GAB2: variants seen among roughly 807,000 people sequenced by gnomAD.
GAB2 encodes GRB2-associated-binding protein 2.
A neutral mutation model predicts 65.5 loss-of-function variants in GAB2; 26 were observed. That is an observed-to-expected ratio of 0.40 (90% confidence interval 0.29 to 0.55). The LOEUF (loss-of-function observed/expected upper bound fraction) is 0.55, where lower values mean the gene tolerates loss of function less well. Among genes scored for constraint, GAB2 ranks in the 20% least tolerant of loss-of-function variants. The probability of loss-of-function intolerance (pLI) is 0.53; values close to 1 mark genes in which losing one functional copy is unlikely to be tolerated. For missense variants in GAB2, 884 were observed against 875.8 expected (o/e 1.01, Z -0.12); for synonymous variants, 321 against 329.6 (o/e 0.97, Z 0.28).
At chr11:78,227,507 G>T (rs1189715736) in intron 3 of GAB2, among the ~76,000 whole-genome samples, 1 of 151,948 alleles carries the variant, frequency 6.6e-6, no homozygotes, top group Non-Finnish European at 1.5e-5. Flanking sequence ...AATTATTTGG[G>T]TCAGGTGCAG....
intron 3 of GAB2, among the ~76,000 whole-genome samples, chr11:78,233,328 TCTGGC>T (rs1297509048): frequency 1.3e-5 from 2 of 152,220 alleles, no homozygotes; most frequent in Non-Finnish European, 2.9e-5. Context: ...AGCCACTGCG[TCTGGC>T]CTGTTAGCCA....
chr11:78,303,417 AAAG>A (rs1170150526), intron 1 of GAB2, among the ~76,000 whole-genome samples: 3 of 152,194 alleles, frequency 2.0e-5, no homozygotes, highest in African/African-American at 4.8e-5. Context: ...CATTTGTTGA[AAAG>A]AAATATCCTT....
At chr11:78,230,334 G>A (rs1864804551) in intron 3 of GAB2, among the ~76,000 whole-genome samples, 3 of 152,172 alleles carry the variant, frequency 2.0e-5, no homozygotes. Flanking sequence ...CATGTCCTGT[G>A]TAGTCTAAAC....
chr11:78,266,946 G>A (rs1424130768), intron 2 of GAB2, among the ~76,000 whole-genome samples: 2 of 152,244 alleles, frequency 1.3e-5, no homozygotes, highest in African/African-American at 2.4e-5. Context: ...GAATCCAAGA[G>A]GAGGAAGAAG....
intron 1 of GAB2, among the ~76,000 whole-genome samples, chr11:78,309,468 T>C (rs1470837956): frequency 2.8e-5 from 3 of 108,140 alleles, no homozygotes; most frequent in Non-Finnish European, 6.3e-5. Context: ...CCCTGCCTTT[T>C]TTTTTTTTTT....
At chr11:78,334,921 C>A (rs1047731157) in intron 1 of GAB2, among the ~76,000 whole-genome samples, 3 of 152,186 alleles carry the variant, frequency 2.0e-5, no homozygotes, top group Non-Finnish European at 2.9e-5. Context: ...TATTGCCTGT[C>A]TTTTGGATAA....
At chr11:78,299,606 G>A (rs1307917342) in intron 1 of GAB2, among the ~76,000 whole-genome samples, 1 of 152,190 alleles carries the variant, frequency 6.6e-6, no homozygotes, top group Middle Eastern at 3.2e-3. Context: ...AACAAATAAT[G>A]GGGCCCTTCA....
At chr11:78,321,608 G>A (rs114081348) in intron 1 of GAB2, among the ~76,000 whole-genome samples, 1,608 of 152,274 alleles carry the variant, frequency 0.011, 35 homozygotes, top group African/African-American at 0.038. Flanking sequence ...CATTGTACTA[G>A]AGGAGGGAGA....
intron 1 of GAB2, among the ~76,000 whole-genome samples, chr11:78,387,658 C>T (rs1391425053): frequency 6.6e-6 from 1 of 152,180 alleles, no homozygotes; most frequent in Non-Finnish European, 1.5e-5. Flanking sequence ...AAATAAATGA[C>T]AGAAGGGAAT....
intron 3 of GAB2, among the ~76,000 whole-genome samples, chr11:78,249,018 A>C (rs908448848): frequency 6.6e-6 from 1 of 152,178 alleles, no homozygotes; most frequent in African/African-American, 2.4e-5. Flanking sequence ...CATGTTCTTC[A>C]TGAAAATGGG....
intron 2 of GAB2, among the ~76,000 whole-genome samples, chr11:78,264,520 C>T (rs917835797): frequency 6.6e-6 from 1 of 151,934 alleles, no homozygotes; most frequent in Non-Finnish European, 1.5e-5. Flanking sequence ...CCTGCCGCAG[C>T]CTCCTGAGTA....
At chr11:78,236,199 G>A (rs1864975430) in intron 3 of GAB2, among the ~76,000 whole-genome samples, 1 of 152,058 alleles carries the variant, frequency 6.6e-6, no homozygotes, top group African/African-American at 2.4e-5. Flanking sequence ...ACGTTTTCTG[G>A]TACCATTCGA....
chr11:78,250,019 A>T (rs1865403058), intron 3 of GAB2, 138 bp downstream of exon 3: 1 of 917,562 alleles, frequency 1.1e-6, no homozygotes, highest in Non-Finnish European at 1.7e-6. Context: ...AGAAGCAAAA[A>T]ATTATGTTTT....
chr11:78,366,139 T>G (rs1301139022), intron 1 of GAB2, among the ~76,000 whole-genome samples: 1 of 152,250 alleles, frequency 6.6e-6, no homozygotes, highest in Non-Finnish European at 1.5e-5. Flanking sequence ...AAACATTTAC[T>G]GAGTTCCTAG....
intron 1 of GAB2, among the ~76,000 whole-genome samples, chr11:78,377,543 C>T (rs922046879): frequency 5.3e-5 from 8 of 152,068 alleles, no homozygotes; most frequent in African/African-American, 1.2e-4. Context: ...TACAGGGGAC[C>T]GGCATGTTGA....
chr11:78,235,535 T>C (rs1230782132), intron 3 of GAB2, among the ~76,000 whole-genome samples: 1 of 152,204 alleles, frequency 6.6e-6, no homozygotes, highest in African/African-American at 2.4e-5. Flanking sequence ...TTGAATGCCT[T>C]TAACGATACC....
At chr11:78,255,987 A>C (rs1865585886) in intron 2 of GAB2, among the ~76,000 whole-genome samples, 1 of 152,194 alleles carries the variant, frequency 6.6e-6, no homozygotes, top group Non-Finnish European at 1.5e-5. Context: ...GGAGCAAATC[A>C]CTTAGCCTCA....
intron 1 of GAB2, among the ~76,000 whole-genome samples, chr11:78,325,187 G>T (rs1855801025): frequency 6.6e-6 from 1 of 152,164 alleles, no homozygotes; most frequent in Non-Finnish European, 1.5e-5. Context: ...TAGTTGCCTG[G>T]AAGGCTGTGT....
At chr11:78,294,820 T>C (rs1001962069) in intron 1 of GAB2, among the ~76,000 whole-genome samples, 6 of 152,148 alleles carry the variant, frequency 3.9e-5, no homozygotes, top group African/African-American at 1.4e-4. Context: ...ATTCAGGACA[T>C]AGGCATGGGC....
Sources: gnomAD v4.1 joint callset for allele counts (sites outside exome capture counted in the v4.1 genomes callset) on GRCh38, gnomAD v4.1.1 for gene constraint, MANE v1.5 for transcripts, NCBI Gene and HGNC (gene_info 2026-07-23, HGNC 2026-07-21) for gene names.